BRCA1: variants seen among roughly 807,000 people sequenced by gnomAD.
BRCA1 encodes BRCA1 DNA repair associated, also known as breast cancer type 1 susceptibility protein.
Under a neutral mutation model 173.7 loss-of-function variants are expected in BRCA1, and 140 were observed. That is an observed-to-expected ratio of 0.81 (90% CI 0.70 to 0.93). BRCA1 has a LOEUF of 0.93. BRCA1 is among the 40% of genes least tolerant of loss of function. The probability of loss-of-function intolerance (pLI) is 0.00; values close to 1 mark genes in which losing one functional copy is unlikely to be tolerated. For missense variants in BRCA1, 1,983 were observed against 2,172.5 expected, an observed-to-expected ratio of 0.91 and a Z score of 1.73; for synonymous variants, 662 against 756.0, an observed-to-expected ratio of 0.88 and a Z score of 2.04.
chr17:43,126,557 G>A (rs1366453165), upstream of BRCA1, among the ~76,000 whole-genome samples: 2 of 152,208 alleles, frequency 1.3e-5, no homozygotes, highest in Non-Finnish European at 2.9e-5. Flanking sequence ...GACTTTTTCC[G>A]TGTCTCCGGA....
chr17:43,097,236 T>C lies in BRCA1; in HGVS notation c.593+8A>G, dbSNP rs863224421. 1.9e-6 allele frequency: 3 copies of C among 1,613,104 alleles called. No individual in the cohort carries two copies. The highest frequency in any genetic ancestry group is 2.5e-6 in the Non-Finnish European group (3 of 1,179,352). The stretch of plus-strand genomic sequence containing the variant: ...CAGCTTCATAGACAAAGGTTCTCTT[T>C]GACTCACCTGCAATAAGTTGCCTTA... On this transcript the variant is annotated splice_region_variant and intron_variant, in intron 8 of 22. Transcript: ENST00000357654.
chr17:43,045,295 A>G lies in BRCA1; in HGVS notation c.*383T>C. On this transcript the variant is annotated 3_prime_UTR_variant, in exon 23 of 23. Coordinates refer to ENST00000357654, the MANE Select transcript of BRCA1 (RefSeq NM_007294.4). Reference sequence around the variant, plus strand: ...GGGTTTTAGAGAAGTAAACTTAGGGAAACCAGCTATTCTCTTGAGGCCAAG... The same window carrying G: ...GGGTTTTAGAGAAGTAAACTTAGGGGAACCAGCTATTCTCTTGAGGCCAAG... 1 of 551,594 alleles carries G rather than the reference A, an allele frequency of 1.8e-6. No individual in the cohort carries two copies. Among genetic ancestry groups the G allele is most frequent in the Non-Finnish European group, 3.5e-6 (1 of 288,562 alleles). 34.2% of individuals were successfully genotyped at this position (551,594 alleles called of 1,614,324 possible). A position where few individuals can be genotyped will look rare whatever the true frequency, so the allele number is the denominator to read the frequency against.
chr17:43,064,592 CA>C (rs1314673010), intron 16 of BRCA1, among the ~76,000 whole-genome samples: 2 of 152,282 alleles, frequency 1.3e-5, no homozygotes, highest in East Asian at 3.8e-4. Context: ...TAGTTTTAAA[CA>C]GGAGAAATGT....
At chr17:43,142,952 G>A (rs78566905) in intron 1 of BRCA1, among the ~76,000 whole-genome samples, 1,480 of 88,428 alleles carry the variant, frequency 0.017, 15 homozygotes, top group African/African-American at 0.032. Flanking sequence ...ATATATATAT[G>A]TGTGTGTGTG....
rs34685631 is a variant in BRCA1, at chr17:43,052,761, T to C, written c.5278-1644A>G. On this transcript the variant is annotated intron_variant, in intron 19 of 22. Transcript: ENST00000357654. ...TTTAGAAAGTGGTCACCCTCCCCCTTGACAGACAGACGGACAGAAACACAC... is the reference window on the plus strand; with the variant it reads ...TTTAGAAAGTGGTCACCCTCCCCCTCGACAGACAGACGGACAGAAACACAC... 0.011 allele frequency among the ~76,000 whole-genome samples: 1,446 copies of C among 135,474 alleles called. 35 individuals are homozygous for C. The highest frequency in any genetic ancestry group is 0.039 in the African/African-American group (1,385 of 35,090). 88.9% of individuals were successfully genotyped at this position (135,474 alleles called of 152,430 possible).
Position 43,115,778 on chromosome 17 carries a change from G to A in BRCA1, c.82C>T (p.Leu28=), listed in dbSNP as rs1219301058. The change falls in exon 3 of 23, where the codon CTG becomes TTG. Residue 28 remains leucine, a splice_region_variant and synonymous_variant. Coordinates refer to ENST00000357654, the MANE Select transcript of BRCA1 (RefSeq NM_007294.4). ...MQKILECPIC[L]ELIKEPVSTK... is the part of the protein sequence containing the mutation. ...GAGACAGGTTCCTTGATCAACTCCA[G>A]ACTAGCAGGGTAGGGGGGGAGAAAA... 1 of 1,613,224 alleles carries A rather than the reference G, an allele frequency of 6.2e-7. No homozygotes were observed. Among genetic ancestry groups the A allele is most frequent in the African/African-American group, 1.3e-5 (1 of 75,002 alleles).
upstream of BRCA1, among the ~76,000 whole-genome samples, chr17:43,128,445 C>T (rs1203520854): frequency 1.3e-5 from 2 of 152,128 alleles, no homozygotes. Context: ...AAGAACTGTA[C>T]CACTCACCGT....
Position 43,131,380 on chromosome 17 carries a change from AAATAAT to A in BRCA1, c.-19-7271_-19-7266del, listed in dbSNP as rs72233752. On this transcript the variant is annotated intron_variant, in intron 1 of 7. Coordinates refer to the BRCA1 transcript ENST00000634433. Reference sequence around the variant, plus strand: ...TAGCGCTTAGCTCATTTGTGTCTCAAAATAATAATAATAATAATAAAAACAATGAGA... The same window carrying A: ...TAGCGCTTAGCTCATTTGTGTCTCAAAATAATAATAATAAAAACAATGAGA... 7.4e-3 allele frequency: 2,520 copies of A among 339,094 alleles called. 76 individuals are homozygous for A. Among genetic ancestry groups the A allele is most frequent in the African/African-American group, 0.049 (2,284 of 46,626 alleles). 21.0% of individuals were successfully genotyped at this position (339,094 alleles called of 1,614,324 possible).
At chr17:43,140,630 C>T (rs1597935946) in intron 1 of BRCA1, among the ~76,000 whole-genome samples, 1 of 152,296 alleles carries the variant, frequency 6.6e-6, no homozygotes, top group Middle Eastern at 3.4e-3. Context: ...CTTATATCTA[C>T]TCCTTTCCAG....
In BRCA1 at chr17:43,165,485, G is replaced by GTT. The variant is rs59461861; in HGVS notation, c.-20+4639_-20+4640dup. On this transcript the variant is annotated intron_variant, in intron 1 of 7. Coordinates refer to the BRCA1 transcript ENST00000634433. ...TTCTTATACACCTTGCATATAAACT[G>GTT]TTTTTTTTTTCAACAGTTTTACATT... Among the ~76,000 whole-genome samples, 302 of 149,526 alleles carry GTT rather than the reference G, an allele frequency of 2.0e-3. 1 individual carries two copies. The highest frequency in any genetic ancestry group is 5.1e-3 in the African/African-American group (210 of 40,894).
rs1064793999 is a variant in BRCA1 at position 43,092,718 on chromosome 17, G to A, written c.2813C>T (p.Pro938Leu). The part of the protein sequence containing the change: ...GFPVVGQKDK[P>L]VDNAKCSIKG... ...GATACTACATTTGGCATTATCAACT[G>A]GCTTATCTTTCTGACCAACCACAGG... Residue 938 changes from proline (P) to leucine (L), a missense_variant, in exon 10 of 23, where the codon CCA (proline) becomes CTA (leucine). Physicochemically the swap from Pro to Leu is moderately conservative, Grantham distance 98 (BLOSUM62 -3). Transcript: ENST00000357654. The A allele has an allele frequency of 6.2e-7, 1 of 1,614,076 alleles. No individual in the cohort carries two copies. The highest frequency in any genetic ancestry group is 2.2e-5 in the East Asian group (1 of 44,882).
At chr17:43,119,626 A>C (rs1043720872) in intron 2 of BRCA1, among the ~76,000 whole-genome samples, 5 of 151,958 alleles carry the variant, frequency 3.3e-5, no homozygotes, top group Non-Finnish European at 7.3e-5. Flanking sequence ...TTGTACCAAC[A>C]TTGGTATTAT....
chr17:43,103,715 C>T (rs2054590355), intron 6 of BRCA1, among the ~76,000 whole-genome samples: 1 of 152,140 alleles, frequency 6.6e-6, no homozygotes, highest in Non-Finnish European at 1.5e-5. Context: ...TACCATCTTT[C>T]CTTCTTCACT....
At position 43,142,102 on chromosome 17, in the gene BRCA1, C is replaced by T. The variant is rs757515413; in HGVS notation, c.-19-17987G>A. 1.4e-4 allele frequency among the ~76,000 whole-genome samples: 22 copies of T among 152,008 alleles called. 1 individual carries two copies. The highest frequency in any genetic ancestry group is 1.0e-3 in the South Asian group (5 of 4,826). ...TAATTTTTGTATTTTTTAGTAGAGA[C>T]GGGGTTTTGCCATGTTGGCCAGGCT... On this transcript the variant is annotated intron_variant, in intron 1 of 7. Coordinates refer to the BRCA1 transcript ENST00000634433.
intron 1 of BRCA1, chr17:43,167,482 A>G (rs1385180564): frequency 1.3e-5 from 2 of 152,206 alleles, no homozygotes; most frequent in Non-Finnish European, 2.9e-5. Context: ...GGAACAAAAC[A>G]GGAAAGGCAT....
chr17:43,080,622 T>C (rs1304371780), intron 12 of BRCA1, among the ~76,000 whole-genome samples: 1 of 151,854 alleles, frequency 6.6e-6, no homozygotes, highest in Non-Finnish European at 1.5e-5. Flanking sequence ...TTGGGCAACA[T>C]AGGGAGACCT....
At chr17:43,144,939 C>T (rs1399037371) in intron 1 of BRCA1, 1 of 590,140 alleles carries the variant, frequency 1.7e-6, no homozygotes, top group Non-Finnish European at 3.3e-6. Context: ...CTGGCACCCA[C>T]CTTCCCTGCT....
At chr17:43,054,727 C>T (rs1315990615) in intron 19 of BRCA1, among the ~76,000 whole-genome samples, 1 of 150,148 alleles carries the variant, frequency 6.7e-6, no homozygotes, top group East Asian at 2.0e-4. Context: ...AGAAGTGAGC[C>T]GCTGTGCCCA....
In BRCA1 at chr17:43,091,643, A is replaced by C; in HGVS notation, c.3888T>G (p.Phe1296Leu). The stretch of plus-strand genomic sequence containing the variant: ...CTTCCAATTCACTGCACTGTGAAGA[A>C]AACAAGCTAGCAGAACATTTTGTTT... ...SEETKCSASL[F>L]SSQCSELEDL... is the part of the protein sequence containing the mutation. The change falls in exon 10 of 23, where the codon TTT becomes TTG. Residue 1296 changes from phenylalanine to leucine, a missense_variant. Transcript: ENST00000357654. The C allele has an allele frequency of 6.2e-7, 1 of 1,614,254 alleles. No homozygotes were observed. The highest frequency in any genetic ancestry group is 1.1e-5 in the South Asian group (1 of 91,088).
Sources: allele counts gnomAD v4.1 joint callset (sites outside exome capture counted in the v4.1 genomes callset), GRCh38; gene constraint gnomAD v4.1.1; transcripts MANE v1.5; gene names NCBI Gene and HGNC (gene_info 2026-07-23, HGNC 2026-07-21).